Variants in ERBB4 observed in about 807,000 individuals in gnomAD.
ERBB4 encodes the protein receptor tyrosine-protein kinase erbB-4.
Under a neutral mutation model 158.0 loss-of-function variants are expected in ERBB4, and 42 were observed. The ratio of observed to expected loss-of-function variants is 0.27; its 90% CI spans 0.21 to 0.34. ERBB4 has a LOEUF of 0.34. Among genes scored for constraint, ERBB4 ranks in the 10% least tolerant of loss-of-function variants. The probability of loss-of-function intolerance (pLI) is 1.00; values close to 1 mark genes in which losing one functional copy is unlikely to be tolerated. For synonymous variants in ERBB4, 583 were observed against 558.7 expected (o/e 1.04, Z -0.61); for missense variants, 1,333 against 1,624.1 (o/e 0.82, Z 3.08).
intron 20 of ERBB4, among the ~76,000 whole-genome samples, chr2:211,431,955 TATTA>T (rs1267080529): frequency 6.6e-6 from 1 of 152,178 alleles, no homozygotes; most frequent in African/African-American, 2.4e-5. Context: ...ATAATTACTT[TATTA>T]ATTGTACTTC....
chr2:211,973,236 C>T (rs1313017885), intron 2 of ERBB4, among the ~76,000 whole-genome samples: 3 of 150,524 alleles, frequency 2.0e-5, no homozygotes, highest in Non-Finnish European at 2.9e-5. Context: ...GAGTCTCGCT[C>T]TTCCACCCAG....
chr2:212,182,057 AACTT>A (rs1306474116), intron 1 of ERBB4, among the ~76,000 whole-genome samples: 3 of 151,816 alleles, frequency 2.0e-5, no homozygotes, highest in Non-Finnish European at 4.4e-5. Flanking sequence ...AAAATAAATT[AACTT>A]AATAACTAAA....
At chr2:212,007,528 T>C (rs2076287001) in intron 2 of ERBB4, among the ~76,000 whole-genome samples, 1 of 151,882 alleles carries the variant, frequency 6.6e-6, no homozygotes, top group African/African-American at 2.4e-5. Flanking sequence ...AAGAGAATAC[T>C]CAGCAACTTT....
chr2:211,454,044 T>A (rs1003461972), intron 20 of ERBB4, among the ~76,000 whole-genome samples: 1 of 152,130 alleles, frequency 6.6e-6, no homozygotes, highest in South Asian at 2.1e-4. Flanking sequence ...TGGAAAAAAA[T>A]TGCAAATAAA....
At chr2:211,440,468 T>C (rs1250244839) in intron 20 of ERBB4, among the ~76,000 whole-genome samples, 1 of 152,194 alleles carries the variant, frequency 6.6e-6, no homozygotes, top group Non-Finnish European at 1.5e-5. Flanking sequence ...ATTGTGCAAA[T>C]GCATTCAGAG....
intron 1 of ERBB4, among the ~76,000 whole-genome samples, chr2:212,148,565 G>A (rs949885260): frequency 1.3e-5 from 2 of 152,020 alleles, no homozygotes; most frequent in African/African-American, 4.8e-5. Context: ...TGGAGATAAA[G>A]GGATATTTCA....
intron 20 of ERBB4, among the ~76,000 whole-genome samples, chr2:211,484,618 T>G (rs2065161489): frequency 6.6e-6 from 1 of 152,188 alleles, no homozygotes; most frequent in Admixed American, 6.5e-5. Context: ...ATAAAAAGCA[T>G]AATTTCATAA....
At chr2:212,345,253 A>C (rs72949566) in intron 1 of ERBB4, among the ~76,000 whole-genome samples, 3 of 129,802 alleles carry the variant, frequency 2.3e-5, no homozygotes, top group African/African-American at 8.5e-5. Flanking sequence ...GGGACAGAGC[A>C]AGACTCCGTC....
Position 211,428,404 on chromosome 2 carries a change from T to A in ERBB4, c.2719+4A>T, listed in dbSNP as rs377251473. The A allele has an allele frequency of 1.9e-5, 29 of 1,543,138 alleles. No individual in the cohort carries two copies. Among genetic ancestry groups the A allele is most frequent in the Non-Finnish European group, 2.5e-5 (28 of 1,116,680 alleles). Reference sequence around the variant, plus strand: ...GCTTTAATTCGCAAAGAAGATTTATTTACCATAGCTCCAAACGTCACTCTG... The same window carrying A: ...GCTTTAATTCGCAAAGAAGATTTATATACCATAGCTCCAAACGTCACTCTG... On this transcript the variant is annotated splice_donor_region_variant and intron_variant, in intron 22 of 27. Coordinates refer to ENST00000342788, the MANE Select transcript of ERBB4 (RefSeq NM_005235.3).
intron 9 of ERBB4, among the ~76,000 whole-genome samples, chr2:211,711,732 C>T (rs543086635): frequency 5.3e-5 from 8 of 152,244 alleles, no homozygotes; most frequent in Admixed American, 1.3e-4. Flanking sequence ...ACCAATGATA[C>T]TTTTTTCCCT....
At chr2:212,406,671 A>G (rs1204721230) in intron 1 of ERBB4, among the ~76,000 whole-genome samples, 2 of 152,130 alleles carry the variant, frequency 1.3e-5, no homozygotes, top group Non-Finnish European at 2.9e-5. Context: ...AACCTCTCAG[A>G]GACTCATCGT....
In ERBB4 at chr2:212,081,138, C is replaced by T. The variant is rs143705776; in HGVS notation, c.234+43614G>A. On this transcript the variant is annotated intron_variant, in intron 2 of 27. Coordinates refer to ENST00000342788, the MANE Select transcript of ERBB4 (RefSeq NM_005235.3). ...ATCAGGAGTTTCAAAGAGCTGCAGA[C>T]GGTTATGTTAATTAAGCAAAGGCAT... is the stretch of plus-strand genomic sequence containing the variant. Among the ~76,000 whole-genome samples, 21 of 152,162 alleles carry T rather than the reference C, an allele frequency of 1.4e-4. 1 individual carries two copies. In the East Asian group the frequency reaches 2.7e-3, roughly 20 times the overall value.
intron 19 of ERBB4, among the ~76,000 whole-genome samples, chr2:211,604,160 T>C (rs1436087848): frequency 2.6e-5 from 4 of 152,180 alleles, no homozygotes; most frequent in African/African-American, 4.8e-5. Context: ...GGATGAAATG[T>C]AAATACATTA....
chr2:212,334,143 T>C (rs555479386), intron 1 of ERBB4, among the ~76,000 whole-genome samples: 2 of 152,188 alleles, frequency 1.3e-5, no homozygotes, highest in African/African-American at 4.8e-5. Flanking sequence ...TCTAAGTGAA[T>C]TGATGATAAT....
intron 21 of ERBB4, among the ~76,000 whole-genome samples, chr2:211,428,992 G>A (rs1012302591): frequency 1.3e-5 from 2 of 151,706 alleles, no homozygotes; most frequent in African/African-American, 4.9e-5. Flanking sequence ...GATTACATAC[G>A]TGAGCCACCC....
chr2:211,708,612 TTCTCTCTCTCTC>T (rs60948715), intron 9 of ERBB4, among the ~76,000 whole-genome samples: 6 of 116,658 alleles, frequency 5.1e-5, no homozygotes, highest in South Asian at 2.7e-4. Flanking sequence ...GTTTCCATCC[TTCTCTCTCTCTC>T]TCTCTCTCTC....
chr2:211,525,207 G>A (rs888338629), intron 20 of ERBB4, among the ~76,000 whole-genome samples: 1 of 152,104 alleles, frequency 6.6e-6, no homozygotes, highest in African/African-American at 2.4e-5. Context: ...ACACCAGCCA[G>A]GGCAGCTAAG....
chr2:211,600,323 T>C (rs1248463556), intron 19 of ERBB4, among the ~76,000 whole-genome samples: 3 of 151,672 alleles, frequency 2.0e-5, no homozygotes, highest in African/African-American at 7.3e-5. Context: ...AAGATACAAA[T>C]ACAGGAACAA....
Position 212,191,607 on chromosome 2 carries a change from CCTGTTATATATAACACATGT to C in ERBB4, c.83-66724_83-66705del, listed in dbSNP as rs1559701941. ...TGTTATATATAACACATGTGTTATG[CCTGTTATATATAACACATGT>C]GTTATGCATGCTATATATAACACAT... is the stretch of plus-strand genomic sequence containing the variant. On this transcript the variant is annotated intron_variant, in intron 1 of 27. Transcript: ENST00000342788. 3.5e-4 allele frequency among the ~76,000 whole-genome samples: 48 copies of C among 136,180 alleles called. 3 individuals are homozygous for C. The highest frequency in any genetic ancestry group is 1.2e-3 in the African/African-American group (41 of 34,686). 89.3% of individuals were successfully genotyped at this position (136,180 alleles called of 152,430 possible).
Sources: gnomAD v4.1 joint callset for allele counts (sites outside exome capture counted in the v4.1 genomes callset) on GRCh38, gnomAD v4.1.1 for gene constraint, MANE v1.5 for transcripts, NCBI Gene and HGNC (gene_info 2026-07-23, HGNC 2026-07-21) for gene names.